DMD: variants seen among roughly 807,000 people sequenced by gnomAD.
The protein encoded by DMD is mutant dystrophin.
Under a neutral mutation model 330.1 loss-of-function variants are expected in DMD, and 63 were observed. The ratio of observed to expected loss-of-function variants is 0.19; its 90% confidence interval spans 0.16 to 0.24. The LOEUF (loss-of-function observed/expected upper bound fraction) is 0.24, where lower values mean the gene tolerates loss of function less well. Ranked by LOEUF, DMD falls within the 10% of genes least tolerant of loss-of-function variation. The pLI, the probability that DMD is intolerant of heterozygous loss-of-function variation, is 1.00. For synonymous variants in DMD, 1,223 were observed against 959.8 expected (o/e 1.27, Z -5.07); for missense variants, 3,344 against 2,684.1 (o/e 1.25, Z -5.43).
chrX:32,734,090 T>C (rs373220695), intron 7 of DMD, among the ~76,000 whole-genome samples: 38 of 106,486 alleles, frequency 3.6e-4, no homozygotes, highest in East Asian at 3.0e-3. Flanking sequence ...ATATCACCAC[T>C]GATCCCACAG....
chrX:31,464,172 T>TA (rs779620755), intron 59 of DMD, among the ~76,000 whole-genome samples: 1 of 111,600 alleles, frequency 9.0e-6, no homozygotes, highest in East Asian at 2.8e-4. Context: ...ATTATCTGAT[T>TA]AAACACTTCT....
chrX:32,444,604 T>C (rs1488277177), intron 27 of DMD, among the ~76,000 whole-genome samples: 2 of 110,838 alleles, frequency 1.8e-5, no homozygotes, highest in Non-Finnish European at 3.8e-5. Context: ...TAGAGTTTAT[T>C]TGCTTGAGAC....
chrX:32,557,991 A>T (rs1426049370), intron 16 of DMD, among the ~76,000 whole-genome samples: 1 of 110,466 alleles, frequency 9.1e-6, no homozygotes, highest in African/African-American at 3.3e-5. Context: ...GTAAGGTAAT[A>T]AAATTTCTTG....
chrX:32,481,875 T>C (rs775469534), intron 21 of DMD, among the ~76,000 whole-genome samples: 1 of 112,192 alleles, frequency 8.9e-6, no homozygotes, highest in East Asian at 2.8e-4. Flanking sequence ...TTTTACGGCA[T>C]ATACCAGGTG....
intron 76 of DMD, among the ~76,000 whole-genome samples, chrX:31,139,717 G>A (rs1162564828): frequency 9.2e-6 from 1 of 108,151 alleles, no homozygotes; most frequent in Non-Finnish European, 1.9e-5. Flanking sequence ...AAGGGTGGGA[G>A]GGGGGTGAAG....
At chrX:31,501,862 C>G (rs778822716) in intron 56 of DMD, among the ~76,000 whole-genome samples, 1 of 110,966 alleles carries the variant, frequency 9.0e-6, no homozygotes, top group African/African-American at 3.3e-5. Flanking sequence ...CTTAAACATG[C>G]AGAAAGAAAA....
rs746421086 is a variant in DMD at position 32,932,888 on chromosome X, T to C, written c.94-83068A>G. Among the ~76,000 whole-genome samples the C allele has an allele frequency of 3.6e-5, 4 of 111,929 alleles. No homozygotes were observed. The South Asian group carries it at 1.5e-3, about 42-fold the overall frequency. ...TGGAGCTGGGGATTCACAGCCTCTA[T>C]TTTTCCATCAAAAGAATTAAGTTGA... On this transcript the variant is annotated intron_variant, in intron 2 of 78. Coordinates refer to ENST00000357033, the MANE Select transcript of DMD (RefSeq NM_004006.3).
chrX:31,228,006 A>G (rs1476604806), intron 63 of DMD, among the ~76,000 whole-genome samples: 16 of 106,677 alleles, frequency 1.5e-4, no homozygotes, highest in East Asian at 2.9e-4. Context: ...CTATCGCAAG[A>G]ACAAAAAACC....
At chrX:33,267,159 T>C (rs906074445) in intron 1 of DMD, among the ~76,000 whole-genome samples, 15 of 111,307 alleles carry the variant, frequency 1.3e-4, no homozygotes, top group African/African-American at 4.9e-4. Flanking sequence ...AGATATACAA[T>C]ACATAAAAAT....
chrX:31,511,567 G>C (rs1206316986), intron 55 of DMD, among the ~76,000 whole-genome samples: 2 of 100,137 alleles, frequency 2.0e-5, no homozygotes, highest in East Asian at 6.4e-4. Flanking sequence ...CCACCTATGA[G>C]TGAGAATATG....
At chrX:32,379,720 T>A (rs1397496630) in intron 34 of DMD, among the ~76,000 whole-genome samples, 1 of 111,551 alleles carries the variant, frequency 9.0e-6, no homozygotes, top group African/African-American at 3.3e-5. Flanking sequence ...TTTCCCAACT[T>A]TGAATAATCT....
chrX:33,112,559 T>C (rs2095347841), intron 1 of DMD, among the ~76,000 whole-genome samples: 1 of 111,405 alleles, frequency 9.0e-6, no homozygotes, highest in Admixed American at 9.6e-5. Context: ...ATAACAAATT[T>C]GCAGCATAAT....
intron 1 of DMD, among the ~76,000 whole-genome samples, chrX:33,205,579 G>A (rs142600793): frequency 1.2e-3 from 131 of 111,998 alleles, no homozygotes; most frequent in African/African-American, 4.1e-3. Flanking sequence ...AAAAGCTACT[G>A]ATGTTTATGC....
At chrX:32,335,909 G>A (rs1219745479) in intron 41 of DMD, among the ~76,000 whole-genome samples, 2 of 104,203 alleles carry the variant, frequency 1.9e-5, no homozygotes, top group African/African-American at 3.5e-5. Flanking sequence ...TACATATAAC[G>A]TGTATATATG....
At chrX:31,551,180 G>GAAAAAAAAAAAA (rs202051079) in intron 55 of DMD, among the ~76,000 whole-genome samples, 3 of 67,368 alleles carry the variant, frequency 4.5e-5, no homozygotes, top group African/African-American at 7.6e-5. Flanking sequence ...CTCCATCTCG[G>GAAAAAAAAAAAA]GAAAAAAAAA....
chrX:33,235,753 C>T (rs1211568702), intron 1 of DMD, among the ~76,000 whole-genome samples: 1 of 109,688 alleles, frequency 9.1e-6, no homozygotes, highest in Non-Finnish European at 1.9e-5. Flanking sequence ...AGAGCCTGTA[C>T]CCTTAGAATA....
chrX:32,684,094 G>A (rs964838870), intron 9 of DMD, among the ~76,000 whole-genome samples: 1 of 107,188 alleles, frequency 9.3e-6, no homozygotes, highest in African/African-American at 3.4e-5. Flanking sequence ...TAGTTATGAG[G>A]ATGAGACTAG....
At chrX:32,191,587 T>C (rs2096976223) in intron 44 of DMD, among the ~76,000 whole-genome samples, 1 of 111,357 alleles carries the variant, frequency 9.0e-6, no homozygotes, top group African/African-American at 3.3e-5. Flanking sequence ...CTTTCCCTCT[T>C]GCTGCTTATA....
chrX:31,854,868 T>C (rs958673562), intron 48 of DMD, among the ~76,000 whole-genome samples: 54 of 111,518 alleles, frequency 4.8e-4, no homozygotes, highest in African/African-American at 1.7e-3. Context: ...CAGGGTGTTT[T>C]GCAGCATGCC....
Sources: gnomAD v4.1 joint callset for allele counts (sites outside exome capture counted in the v4.1 genomes callset) on GRCh38, gnomAD v4.1.1 for gene constraint, MANE v1.5 for transcripts, NCBI Gene and HGNC (gene_info 2026-07-23, HGNC 2026-07-21) for gene names.